AGPAT5: variants seen among roughly 807,000 people sequenced by gnomAD.
AGPAT5 encodes the protein 1-acyl-sn-glycerol-3-phosphate acyltransferase epsilon.
In AGPAT5, 46 loss-of-function variants were observed where a neutral mutation model predicts 45.6. That is an observed-to-expected ratio of 1.01 (90% CI 0.80 to 1.29). The LOEUF is 1.29. Ranked by LOEUF, AGPAT5 falls within the 50% of genes most tolerant of loss-of-function variation. The pLI, the probability that AGPAT5 is intolerant of heterozygous loss-of-function variation, is 0.00. For missense variants in AGPAT5, 673 were observed against 450.7 expected, an observed-to-expected ratio of 1.49 and a Z score of -4.47; for synonymous variants, 272 against 167.0, an observed-to-expected ratio of 1.63 and a Z score of -4.85.
intron 5 of AGPAT5, chr8:6,746,329 C>T (rs180792294): frequency 1.3e-5 from 2 of 152,346 alleles, no homozygotes; most frequent in Admixed American, 1.3e-4. Flanking sequence ...CGTTCTGGAG[C>T]AGAAGCCTAG....
intron 5 of AGPAT5, 41 bp from the exon 6 acceptor site, chr8:6,747,629 G>C: frequency 6.3e-7 from 1 of 1,577,778 alleles, no homozygotes; most frequent in Non-Finnish European, 8.7e-7. Context: ...TTGTGGAGGT[G>C]TTTTGTAACT....
intron 6 of AGPAT5, among the ~76,000 whole-genome samples, chr8:6,752,601 G>T (rs1391017910): frequency 1.3e-5 from 2 of 152,124 alleles, no homozygotes; most frequent in Non-Finnish European, 2.9e-5. Flanking sequence ...GTAGACCTGT[G>T]ACCTGTACGA....
intron 7 of AGPAT5, among the ~76,000 whole-genome samples, chr8:6,755,486 C>T (rs1002942463): frequency 2.6e-5 from 4 of 152,154 alleles, no homozygotes; most frequent in Admixed American, 2.6e-4. Flanking sequence ...GATGCCCGGA[C>T]CTACCTGTCA....
At chr8:6,754,167 G>A (rs1041947643) in intron 6 of AGPAT5, among the ~76,000 whole-genome samples, 2 of 152,122 alleles carry the variant, frequency 1.3e-5, no homozygotes, top group Non-Finnish European at 2.9e-5. Context: ...TCCACAGGGA[G>A]CCCCCTACAA....
chr8:6,710,979 A>G (rs899687186), intron 1 of AGPAT5, among the ~76,000 whole-genome samples: 6 of 152,118 alleles, frequency 3.9e-5, no homozygotes, highest in Admixed American at 6.5e-5. Context: ...CTTGTTCTGT[A>G]TAAAGTATTG....
At position 6,760,939 on chromosome 8, in the gene AGPAT5, A is replaced by G. The variant is rs1309916777; in HGVS notation, c.*3551A>G. ...GAAGTGCTCGTCTGTACAATCGCTA[A>G]TTTACTCAGTTTAGAGTAGCTACAA... On this transcript the variant is annotated 3_prime_UTR_variant, in exon 8 of 8. Coordinates refer to ENST00000285518, the MANE Select transcript of AGPAT5 (RefSeq NM_018361.5). 6.6e-6 allele frequency among the ~76,000 whole-genome samples: 1 copy of G among 152,202 alleles called. No individual in the cohort carries two copies. Among genetic ancestry groups the G allele is most frequent in the Non-Finnish European group, 1.5e-5 (1 of 68,028 alleles).
At chr8:6,730,937 C>G (rs960517715) in intron 3 of AGPAT5, 111 bp downstream of exon 3, 1 of 585,206 alleles carries the variant, frequency 1.7e-6, no homozygotes, top group Non-Finnish European at 2.8e-6. Context: ...GGTGTGAACA[C>G]AGCTCACTGC....
chr8:6,751,455 G>T (rs1178700123), intron 6 of AGPAT5, among the ~76,000 whole-genome samples: 1 of 152,234 alleles, frequency 6.6e-6, no homozygotes, highest in Non-Finnish European at 1.5e-5. Flanking sequence ...CGCTCTGCAG[G>T]TGAGAGCTGG....
intron 5 of AGPAT5, 139 bp downstream of exon 5, chr8:6,741,890 C>G: frequency 3.2e-6 from 2 of 619,518 alleles, no homozygotes; most frequent in Admixed American, 3.2e-5. Flanking sequence ...TACATATTAT[C>G]TCTTAGGAAA....
Position 6,732,547 on chromosome 8 carries a change from T to C in AGPAT5, c.406-14T>C. ...TAAAAGTAAATGCTCTTTCTCCCGA[T>C]TTGATTGTGGCAGCATGGAGGAATC... is the stretch of plus-strand genomic sequence containing the variant. On this transcript the variant is annotated splice_polypyrimidine_tract_variant and intron_variant, in intron 3 of 7. Coordinates refer to ENST00000285518, the MANE Select transcript of AGPAT5 (RefSeq NM_018361.5). The C allele has an allele frequency of 6.3e-7, 1 of 1,580,786 alleles. No individual in the cohort carries two copies. Among genetic ancestry groups the C allele is most frequent in the Non-Finnish European group, 8.5e-7 (1 of 1,169,752 alleles).
chr8:6,746,630 C>T (rs1345831592), intron 5 of AGPAT5, among the ~76,000 whole-genome samples: 2 of 152,190 alleles, frequency 1.3e-5, no homozygotes, highest in South Asian at 4.1e-4. Context: ...ACTGCCCCTG[C>T]CCTGGGGACT....
At chr8:6,715,384 A>C (rs923691945) in intron 1 of AGPAT5, among the ~76,000 whole-genome samples, 2 of 152,084 alleles carry the variant, frequency 1.3e-5, no homozygotes, top group African/African-American at 4.8e-5. Context: ...AAGAATTCCA[A>C]ATCTATTTTA....
At chr8:6,724,424 C>G (rs1312899840) in intron 1 of AGPAT5, among the ~76,000 whole-genome samples, 1 of 151,952 alleles carries the variant, frequency 6.6e-6, no homozygotes, top group African/African-American at 2.4e-5. Flanking sequence ...GGTTGTGTAC[C>G]CTTTAGTGTC....
At chr8:6,741,858 G>A (rs973454198) in intron 5 of AGPAT5, 107 bp downstream of exon 5, 53 of 808,894 alleles carry the variant, frequency 6.6e-5, no homozygotes, top group Non-Finnish European at 1.1e-4. Flanking sequence ...AGGAATGAAT[G>A]TATTCATTCC....
At chr8:6,751,007 C>T (rs183925855) in intron 6 of AGPAT5, among the ~76,000 whole-genome samples, 14 of 152,150 alleles carry the variant, frequency 9.2e-5, no homozygotes, top group African/African-American at 3.1e-4. Context: ...TTGCTTTTAA[C>T]CTGTAGCTTG....
intron 1 of AGPAT5, among the ~76,000 whole-genome samples, chr8:6,719,595 C>T (rs1435064271): frequency 1.3e-5 from 2 of 152,190 alleles, no homozygotes; most frequent in African/African-American, 4.8e-5. Flanking sequence ...TCACCATTAT[C>T]AGCACAAGCT....
At chr8:6,734,332 A>C (rs1054395444) in intron 4 of AGPAT5, among the ~76,000 whole-genome samples, 2 of 148,652 alleles carry the variant, frequency 1.3e-5, no homozygotes, top group Non-Finnish European at 3.0e-5. Context: ...ATTTCTGTTG[A>C]CCCACCTTTG....
In AGPAT5 at chr8:6,758,307, T is replaced by A. The variant is rs959167438; in HGVS notation, c.*919T>A. The A allele has an allele frequency of 6.6e-6, 1 of 152,668 alleles. No individual in the cohort carries two copies. Among genetic ancestry groups the A allele is most frequent in the African/African-American group, 2.4e-5 (1 of 41,462 alleles). The allele number at this position is 152,668 out of a possible 1,614,324, so 9.5% of individuals were successfully genotyped here. A position where few individuals can be genotyped will look rare whatever the true frequency, so the allele number is the denominator to read the frequency against. On this transcript the variant is annotated 3_prime_UTR_variant, in exon 8 of 8. Transcript: ENST00000285518. Reference sequence around the variant, plus strand: ...GAGCCTGCAGACATTCTGCCTAGATTTACTAGCGTGTGCCTTTTGCCTGCT... The same window carrying A: ...GAGCCTGCAGACATTCTGCCTAGATATACTAGCGTGTGCCTTTTGCCTGCT...
intron 6 of AGPAT5, among the ~76,000 whole-genome samples, chr8:6,752,388 GTC>G (rs1250715615): frequency 1.3e-5 from 2 of 152,116 alleles, no homozygotes; most frequent in African/African-American, 4.8e-5. Context: ...TTCTGTGTGT[GTC>G]TATATCTCCT....
Sources: allele counts gnomAD v4.1 joint callset (sites outside exome capture counted in the v4.1 genomes callset), GRCh38; gene constraint gnomAD v4.1.1; transcripts MANE v1.5; gene names NCBI Gene and HGNC (gene_info 2026-07-23, HGNC 2026-07-21).